Variants in UTP20 observed in about 807,000 individuals in gnomAD.
UTP20 encodes UTP20 small subunit processome component, also known as small subunit processome component 20 homolog.
Under a neutral mutation model 329.5 loss-of-function variants are expected in UTP20, and 164 were observed. The observed-to-expected ratio is 0.50, with a 90% CI of 0.44 to 0.57. The LOEUF is 0.57. Among genes scored for constraint, UTP20 ranks in the 20% least tolerant of loss-of-function variants. The pLI is 0.00. For missense variants in UTP20, 3,055 were observed against 3,284.2 expected, an observed-to-expected ratio of 0.93 and a Z score of 1.71; for synonymous variants, 1,151 against 1,159.3, an observed-to-expected ratio of 0.99 and a Z score of 0.14.
chr12:101,342,125 C>A (rs1461417482), intron 32 of UTP20, among the ~76,000 whole-genome samples: 2 of 151,884 alleles, frequency 1.3e-5, no homozygotes, highest in East Asian at 3.9e-4. Context: ...TGGAACCAGT[C>A]CCCCTTGGAT....
At chr12:101,319,045 A>C (rs1287156200) in intron 22 of UTP20, among the ~76,000 whole-genome samples, 3 of 152,164 alleles carry the variant, frequency 2.0e-5, no homozygotes, top group African/African-American at 7.2e-5. Flanking sequence ...ACCCATGGTC[A>C]ACCACAGTCT....
In UTP20 at chr12:101,339,055, G is replaced by C. The variant is rs927827303; in HGVS notation, c.4013+98G>C. ...TGGCCAGGCGTGGTGGCTCACACCT[G>C]TAATCCCAGCACTTTGGGAGGCTGA... On this transcript the variant is annotated intron_variant, in intron 31 of 61. Coordinates refer to ENST00000261637, the MANE Select transcript of UTP20 (RefSeq NM_014503.3). 3 of 1,285,624 alleles carry C rather than the reference G, an allele frequency of 2.3e-6. No homozygotes were observed. The African/African-American group carries it at 4.6e-5, about 20-fold the overall frequency. The allele number at this position is 1,285,624 out of a possible 1,614,324, so 79.6% of individuals were successfully genotyped here.
At chr12:101,365,422 G>C (rs781557555) in intron 45 of UTP20, 37 bp from the exon 46 acceptor site, 2 of 1,475,454 alleles carry the variant, frequency 1.4e-6, no homozygotes, top group South Asian at 1.3e-5. Context: ...ATGCATTTCT[G>C]TGTCATCTCA....
At chr12:101,351,526 C>CTT (rs753646442) in intron 38 of UTP20, among the ~76,000 whole-genome samples, 1,527 of 117,816 alleles carry the variant, frequency 0.013, 52 homozygotes, top group African/African-American at 0.047. Context: ...AGGCAGTGTA[C>CTT]TTTTTTTTTT....
intron 11 of UTP20, 61 bp from the exon 12 acceptor site, chr12:101,295,419 G>C (rs1872314669): frequency 7.0e-7 from 1 of 1,427,486 alleles, no homozygotes; most frequent in Non-Finnish European, 9.3e-7. Flanking sequence ...TTTTTGAATT[G>C]TTAGCATCTT....
rs1280218315 is a variant in UTP20, at chr12:101,344,924, C to CT, written c.4605+182dup. Among the ~76,000 whole-genome samples, 12 of 100,556 alleles carry CT rather than the reference C, an allele frequency of 1.2e-4. No individual in the cohort carries two copies. In the South Asian group the frequency reaches 2.9e-3, roughly 25 times the overall value. 66.0% of individuals were successfully genotyped at this position (100,556 alleles called of 152,430 possible). A position where few individuals can be genotyped will look rare whatever the true frequency, so the allele number is the denominator to read the frequency against. ...GGGAGTGGGTCTAGAAAGGAGAGCA[C>CT]TTTTTTTTGCTTTTTTTTTTTTTTT... On this transcript the variant is annotated intron_variant, in intron 36 of 61. Coordinates refer to ENST00000261637, the MANE Select transcript of UTP20 (RefSeq NM_014503.3).
At position 101,280,109 on chromosome 12, in the gene UTP20, A is replaced by T; in HGVS notation, c.-174A>T. On this transcript the variant is annotated 5_prime_UTR_variant, in exon 1 of 62. Transcript: ENST00000261637. Reference sequence around the variant, plus strand: ...TTTTTTCCGTCCACGTGACCCACTCAGGCTCCTCCTTGTCTCCAACATGGC... The same window carrying T: ...TTTTTTCCGTCCACGTGACCCACTCTGGCTCCTCCTTGTCTCCAACATGGC... 1 of 763,370 alleles carries T rather than the reference A, an allele frequency of 1.3e-6. No individual in the cohort carries two copies. Among genetic ancestry groups the T allele is most frequent in the Non-Finnish European group, 2.1e-6 (1 of 482,648 alleles). 47.3% of individuals were successfully genotyped at this position (763,370 alleles called of 1,614,324 possible).
At chr12:101,370,385 C>T in intron 49 of UTP20, 47 bp from the exon 50 acceptor site, 3 of 1,586,646 alleles carry the variant, frequency 1.9e-6, no homozygotes, top group Non-Finnish European at 2.6e-6. Context: ...CACTGGATCC[C>T]AACTGTGGGA....
At chr12:101,316,649 T>G (rs754598061) in intron 21 of UTP20, among the ~76,000 whole-genome samples, 20 of 152,206 alleles carry the variant, frequency 1.3e-4, no homozygotes, top group Non-Finnish European at 2.6e-4. Context: ...TGTTATTTTA[T>G]CAGTGTGTTT....
chr12:101,374,867 T>C lies in UTP20; in HGVS notation c.7191T>C (p.Val2397=). ...GCTTGTTTGTGGAAAGTGAAGGAGT[T>C]GATTTTGAGAAAAGACTTGGAACTG... is the stretch of plus-strand genomic sequence containing the variant. ...ICGLFVESEG[V]DFEKRLGTVL... The change falls in exon 55 of 62, where the codon GTT becomes GTC. Residue 2397 remains valine (V), a synonymous_variant. Coordinates refer to ENST00000261637, the MANE Select transcript of UTP20 (RefSeq NM_014503.3). The C allele has an allele frequency of 6.4e-7, 1 of 1,557,858 alleles. No individual in the cohort carries two copies. Among genetic ancestry groups the C allele is most frequent in the Non-Finnish European group, 8.9e-7 (1 of 1,128,754 alleles).
intron 26 of UTP20, 107 bp from the exon 27 acceptor site, chr12:101,329,133 GT>G: frequency 1.0e-6 from 1 of 955,174 alleles, no homozygotes; most frequent in South Asian, 1.7e-5. Context: ...TACCATGACA[GT>G]AGAAAATACT....
At position 101,320,926 on chromosome 12, in the gene UTP20, C is replaced by T. The variant is rs568942407; in HGVS notation, c.2904C>T (p.Val968=). Reference sequence around the variant, plus strand: ...TAATGACATATAAACATCCTCATGTCCTCCCTTACAGGTAAGTTACTTGAA... The same window carrying T: ...TAATGACATATAAACATCCTCATGTTCTCCCTTACAGGTAAGTTACTTGAA... ...DCIMTYKHPH[V]LPYRENLQRL... is the part of the protein sequence containing the mutation. Residue 968 remains valine, a synonymous_variant, in exon 24 of 62, where the codon GTC becomes GTT. Coordinates refer to ENST00000261637, the MANE Select transcript of UTP20 (RefSeq NM_014503.3). The T allele has an allele frequency of 8.7e-6, 14 of 1,607,362 alleles. No homozygotes were observed. The South Asian group carries it at 9.0e-5, about 10-fold the overall frequency.
intron 19 of UTP20, among the ~76,000 whole-genome samples, chr12:101,310,860 C>T (rs1248269201): frequency 6.6e-6 from 1 of 152,264 alleles, no homozygotes; most frequent in East Asian, 1.9e-4. Flanking sequence ...CTTTTACTAC[C>T]TTTCAAAGCC....
At chr12:101,357,149 G>A in intron 43 of UTP20, 67 bp downstream of exon 43, 1 of 1,442,160 alleles carries the variant, frequency 6.9e-7, no homozygotes, top group Non-Finnish European at 9.4e-7. Context: ...CTTGAACACT[G>A]TAAGTTATGG....
chr12:101,292,157 G>C, intron 10 of UTP20, 53 bp downstream of exon 10: 7 of 1,572,688 alleles, frequency 4.5e-6, no homozygotes, highest in Middle Eastern at 1.7e-4. Context: ...GTTTAGCATT[G>C]AGTAACCTTC....
intron 18 of UTP20, 38 bp downstream of exon 18, chr12:101,308,381 A>C (rs1306398640): frequency 7.3e-7 from 1 of 1,365,982 alleles, no homozygotes; most frequent in Non-Finnish European, 9.5e-7. Flanking sequence ...TTTTTAATTC[A>C]TGCTTTAAAT....
intron 39 of UTP20, among the ~76,000 whole-genome samples, chr12:101,352,784 A>G (rs969254424): frequency 1.8e-4 from 26 of 145,598 alleles, no homozygotes; most frequent in Non-Finnish European, 3.1e-4. Context: ...CACATTGTGC[A>G]CATGTACCCT....
At chr12:101,384,616 T>C (rs574398701) in intron 60 of UTP20, among the ~76,000 whole-genome samples, 1 of 152,232 alleles carries the variant, frequency 6.6e-6, no homozygotes, top group African/African-American at 2.4e-5. Flanking sequence ...CATTTTAACA[T>C]TTCTTCTTTT....
intron 56 of UTP20, among the ~76,000 whole-genome samples, chr12:101,379,026 G>A (rs1238895114): frequency 6.6e-6 from 1 of 152,106 alleles, no homozygotes; most frequent in African/African-American, 2.4e-5. Flanking sequence ...TGATCCAATT[G>A]GGGTAATGAG....
Sources: allele counts gnomAD v4.1 joint callset (sites outside exome capture counted in the v4.1 genomes callset), GRCh38; gene constraint gnomAD v4.1.1; transcripts MANE v1.5; gene names NCBI Gene and HGNC (gene_info 2026-07-23, HGNC 2026-07-21).